Variants in AGK observed in about 807,000 individuals in gnomAD.
The protein encoded by AGK is acylglycerol kinase.
AGK carries 52 observed loss-of-function variants against 66.4 expected under a neutral mutation model. That is an observed-to-expected ratio of 0.78 (90% CI 0.63 to 0.99). AGK has a LOEUF of 0.99. Ranked by LOEUF, AGK falls within the 50% of genes least tolerant of loss-of-function variation. The pLI, the probability that AGK is intolerant of heterozygous loss-of-function variation, is 0.00. For missense variants in AGK, 451 were observed against 506.6 expected, an observed-to-expected ratio of 0.89 and a Z score of 1.05; for synonymous variants, 182 against 181.1, an observed-to-expected ratio of 1.00 and a Z score of -0.04.
At chr7:141,576,881 T>C (rs998792537) in intron 2 of AGK, among the ~76,000 whole-genome samples, 15 of 151,464 alleles carry the variant, frequency 9.9e-5, no homozygotes, top group Non-Finnish European at 1.8e-4. Context: ...CTACTAAAAA[T>C]ACAAAAAAAT....
chr7:141,604,282 C>T (rs2116940377), intron 5 of AGK, among the ~76,000 whole-genome samples: 1 of 150,620 alleles, frequency 6.6e-6, no homozygotes, highest in East Asian at 2.0e-4. Context: ...CTTACCCAAA[C>T]TCCTCAAATA....
chr7:141,585,319 A>G (rs1795974060), intron 2 of AGK, among the ~76,000 whole-genome samples: 1 of 152,132 alleles, frequency 6.6e-6, no homozygotes, highest in Admixed American at 6.5e-5. Flanking sequence ...TATGCAATAT[A>G]TAGTTTAGAA....
chr7:141,620,097 C>T (rs539344650), intron 8 of AGK, among the ~76,000 whole-genome samples: 2 of 152,220 alleles, frequency 1.3e-5, no homozygotes, highest in South Asian at 2.1e-4. Flanking sequence ...CCATACTTTT[C>T]GATTCTATTT....
At chr7:141,646,260 A>G (rs770144418) in intron 13 of AGK, among the ~76,000 whole-genome samples, 3 of 152,164 alleles carry the variant, frequency 2.0e-5, no homozygotes, top group Non-Finnish European at 4.4e-5. Flanking sequence ...AGGTGCATGC[A>G]TGTGAGAAAC....
intron 3 of AGK, among the ~76,000 whole-genome samples, chr7:141,594,506 T>A (rs1214871618): frequency 1.3e-5 from 2 of 151,738 alleles, no homozygotes; most frequent in Non-Finnish European, 2.9e-5. Context: ...CTTTCTCTCT[T>A]TAAGGAAGAG....
chr7:141,577,818 CTTT>C (rs71172606), intron 2 of AGK, among the ~76,000 whole-genome samples: 4 of 136,414 alleles, frequency 2.9e-5, no homozygotes, highest in Non-Finnish European at 4.8e-5. Context: ...CATAAATCTT[CTTT>C]TTTTTTTTTT....
intron 2 of AGK, among the ~76,000 whole-genome samples, chr7:141,562,590 A>G (rs1422420899): frequency 6.6e-6 from 1 of 152,130 alleles, no homozygotes; most frequent in South Asian, 2.1e-4. Context: ...AGAGGGCATT[A>G]TGGCTACTTC....
intron 11 of AGK, among the ~76,000 whole-genome samples, chr7:141,637,902 A>T (rs1159644812): frequency 6.6e-6 from 1 of 152,242 alleles, no homozygotes; most frequent in Non-Finnish European, 1.5e-5. Context: ...AAGTAAATGT[A>T]TGTGATTTTA....
At position 141,570,213 on chromosome 7, in the gene AGK, G is replaced by A. The variant is rs146863956; in HGVS notation, c.101+14646G>A. Among the ~76,000 whole-genome samples, 409 of 152,034 alleles carry A rather than the reference G, an allele frequency of 2.7e-3. 2 individuals are homozygous for A. The highest frequency in any genetic ancestry group is 7.8e-3 in the African/African-American group (324 of 41,454). ...CCAGCCTGGCCAACATAAGGAAGCC[G>A]CGTCTCTACTAAAAATACAACAAAT... is the stretch of plus-strand genomic sequence containing the variant. On this transcript the variant is annotated intron_variant, in intron 2 of 15. Coordinates refer to ENST00000649286, the MANE Select transcript of AGK (RefSeq NM_018238.4).
At chr7:141,614,089 T>C in intron 6 of AGK, 57 bp from the exon 7 acceptor site, 1 of 1,277,004 alleles carries the variant, frequency 7.8e-7, no homozygotes, top group Non-Finnish European at 1.1e-6. Context: ...ATCCAATTCT[T>C]TTATTGTAAA....
intron 6 of AGK, among the ~76,000 whole-genome samples, chr7:141,613,555 G>A (rs1467462184): frequency 6.6e-6 from 1 of 152,186 alleles, no homozygotes; most frequent in African/African-American, 2.4e-5. Flanking sequence ...GGAAGCAGAG[G>A]TTGCAGTGAG....
chr7:141,618,409 T>G (rs1796752019), intron 8 of AGK, among the ~76,000 whole-genome samples: 1 of 152,226 alleles, frequency 6.6e-6, no homozygotes, highest in Non-Finnish European at 1.5e-5. Context: ...ACACTAGTAG[T>G]ACCTACTTCA....
At chr7:141,622,754 A>C (rs939212679) in intron 9 of AGK, among the ~76,000 whole-genome samples, 2 of 152,168 alleles carry the variant, frequency 1.3e-5, no homozygotes, top group African/African-American at 2.4e-5. Context: ...CTCTCACTTT[A>C]AATCAAAAGC....
intron 5 of AGK, among the ~76,000 whole-genome samples, chr7:141,608,692 A>G (rs972067418): frequency 2.0e-5 from 3 of 152,210 alleles, no homozygotes; most frequent in Admixed American, 1.3e-4. Context: ...TGAGCATCAC[A>G]TTTTGGACAT....
chr7:141,562,598 T>A (rs932854635), intron 2 of AGK, among the ~76,000 whole-genome samples: 1 of 152,194 alleles, frequency 6.6e-6, no homozygotes, highest in Non-Finnish European at 1.5e-5. Flanking sequence ...TTATGGCTAC[T>A]TCTCTTGTGC....
chr7:141,580,797 C>T (rs570229665), intron 2 of AGK, among the ~76,000 whole-genome samples: 15 of 151,928 alleles, frequency 9.9e-5, no homozygotes, highest in Non-Finnish European at 2.1e-4. Context: ...GTAAGAATTT[C>T]GACCGCACAG....
chr7:141,560,788 A>ATTCT (rs1158157986), intron 2 of AGK, among the ~76,000 whole-genome samples: 1 of 141,174 alleles, frequency 7.1e-6, no homozygotes, highest in African/African-American at 2.6e-5. Context: ...TGCAAGTGCC[A>ATTCT]TTCTTTCTTT....
At chr7:141,631,717 C>T (rs1797060272) in intron 9 of AGK, among the ~76,000 whole-genome samples, 1 of 152,160 alleles carries the variant, frequency 6.6e-6, no homozygotes, top group African/African-American at 2.4e-5. Context: ...GTCAGCACAA[C>T]AGCCAGTGTG....
In AGK at chr7:141,652,888, G is replaced by A; in HGVS notation, c.1233G>A (p.Arg411=). 6.2e-7 allele frequency: 1 copy of A among 1,614,046 alleles called. No homozygotes were observed. The highest frequency in any genetic ancestry group is 2.2e-5 in the East Asian group (1 of 44,872). Residue 411 remains arginine (R), a synonymous_variant, in exon 16 of 16, where the codon AGG becomes AGA. Transcript: ENST00000649286. The stretch of plus-strand genomic sequence containing the variant: ...AGCTGCAGTTCTTCTGTGATCCTAG[G>A]AAGAGAGAACAGATGCTCACAAGCC... ...PRKLQFFCDP[R]KREQMLTSPT... is the part of the protein sequence containing the mutation.
Sources: allele counts gnomAD v4.1 joint callset (sites outside exome capture counted in the v4.1 genomes callset), GRCh38; gene constraint gnomAD v4.1.1; transcripts MANE v1.5; gene names NCBI Gene and HGNC (gene_info 2026-07-23, HGNC 2026-07-21).